SYNE2: variants seen among roughly 807,000 people sequenced by gnomAD.
SYNE2 encodes spectrin repeat containing nuclear envelope protein 2, also known as nesprin-2.
Under a neutral mutation model 856.3 loss-of-function variants are expected in SYNE2, and 431 were observed. The ratio of observed to expected loss-of-function variants is 0.50; its 90% CI spans 0.47 to 0.55. The LOEUF (loss-of-function observed/expected upper bound fraction) is 0.55. SYNE2 is among the 20% of genes least tolerant of loss of function. SYNE2 has a pLI of 0.00. For synonymous variants in SYNE2, 2,923 were observed against 2,872.3 expected (o/e 1.02, Z -0.56); for missense variants, 8,129 against 8,023.2 (o/e 1.01, Z -0.50).
chr14:64,130,711 C>T (rs965981481), intron 76 of SYNE2, among the ~76,000 whole-genome samples: 3 of 151,854 alleles, frequency 2.0e-5, no homozygotes, highest in Admixed American at 1.3e-4. Flanking sequence ...ATGGTGAAAC[C>T]CTGTCTCTAC....
At chr14:64,063,047 A>C (rs1595238507) in intron 50 of SYNE2, 152 bp downstream of exon 50, 5 of 985,556 alleles carry the variant, frequency 5.1e-6, no homozygotes, top group Non-Finnish European at 4.7e-6. Context: ...CGAAAGCCAG[A>C]GAGTAATGTT....
At chr14:64,153,001 C>T (rs1262568602) in intron 85 of SYNE2, among the ~76,000 whole-genome samples, 1 of 152,188 alleles carries the variant, frequency 6.6e-6, no homozygotes, top group Admixed American at 6.5e-5. Context: ...CTCCATACCC[C>T]AAACCCAACA....
chr14:63,827,395 C>CT (rs1224949431), intron 1 of SYNE2, among the ~76,000 whole-genome samples: 2 of 151,858 alleles, frequency 1.3e-5, no homozygotes, highest in African/African-American at 4.8e-5. Context: ...GAGACCGAGG[C>CT]AGGTGGATCA....
At chr14:63,976,415 C>G in intron 11 of SYNE2, 148 bp from the exon 12 acceptor site, 4 of 773,296 alleles carry the variant, frequency 5.2e-6, no homozygotes, top group Non-Finnish European at 8.3e-6. Flanking sequence ...GAAATTTACC[C>G]ATTGATGAAG....
chr14:63,930,290 A>G (rs1315864666), intron 2 of SYNE2, among the ~76,000 whole-genome samples: 1 of 151,888 alleles, frequency 6.6e-6, no homozygotes, highest in African/African-American at 2.4e-5. Flanking sequence ...TGTCTCAAAA[A>G]AAAAAAAAAA....
chr14:64,160,977 G>T (rs1463970551), intron 87 of SYNE2, among the ~76,000 whole-genome samples: 1 of 152,058 alleles, frequency 6.6e-6, no homozygotes, highest in African/African-American at 2.4e-5. Context: ...AAAACCCACA[G>T]ACCATTTGTA....
chr14:64,212,506 C>A (rs1157888800), intron 104 of SYNE2, among the ~76,000 whole-genome samples: 1 of 152,194 alleles, frequency 6.6e-6, no homozygotes, highest in Non-Finnish European at 1.5e-5. Flanking sequence ...ATGTTCTGTT[C>A]CCAACAAGTT....
rs796640995 is a variant in SYNE2 at position 64,090,291 on chromosome 14, C to G, written c.11794-575C>G. Among the ~76,000 whole-genome samples the G allele has an allele frequency of 9.9e-5, 15 of 152,264 alleles. 1 individual carries two copies. The highest frequency in any genetic ancestry group is 3.6e-4 in the African/African-American group (15 of 41,556). The stretch of plus-strand genomic sequence containing the variant: ...GAAATGGAGGTTAGGATACTTACCT[C>G]TCGAGGGGTTGTGAGGATTAAATGA... On this transcript the variant is annotated intron_variant, in intron 59 of 115. Coordinates refer to ENST00000555002, the MANE Select transcript of SYNE2 (RefSeq NM_182914.3).
chr14:63,987,827 A>G, intron 19 of SYNE2, among the ~76,000 whole-genome samples: 1 of 152,260 alleles, frequency 6.6e-6, no homozygotes. Flanking sequence ...TATTTCTATT[A>G]AGAAAGAATT....
At chr14:64,028,413 AC>A (rs2096999956) in intron 43 of SYNE2, among the ~76,000 whole-genome samples, 3 of 151,774 alleles carry the variant, frequency 2.0e-5, no homozygotes, top group Non-Finnish European at 2.9e-5. Context: ...GCGCCACTAC[AC>A]CCAGCTAATT....
intron 70 of SYNE2, 118 bp downstream of exon 70, chr14:64,122,545 T>C: frequency 1.5e-6 from 2 of 1,342,274 alleles, no homozygotes; most frequent in Non-Finnish European, 2.1e-6. Flanking sequence ...GTTTTTTACT[T>C]GGCTGATACA....
intron 61 of SYNE2, among the ~76,000 whole-genome samples, chr14:64,094,566 CAAAA>C (rs2097660606): frequency 1.3e-5 from 2 of 151,994 alleles, no homozygotes; most frequent in Non-Finnish European, 2.9e-5. Context: ...ATATGGTACT[CAAAA>C]GAAGATTACA....
chr14:64,156,751 A>T (rs572528810), intron 85 of SYNE2, among the ~76,000 whole-genome samples: 1 of 152,064 alleles, frequency 6.6e-6, no homozygotes, highest in African/African-American at 2.4e-5. Flanking sequence ...GAGCCACCAC[A>T]CCTGGCCGCC....
intron 67 of SYNE2, among the ~76,000 whole-genome samples, chr14:64,120,688 A>G (rs1048244249): frequency 6.6e-6 from 1 of 152,222 alleles, no homozygotes; most frequent in African/African-American, 2.4e-5. Flanking sequence ...CCTTGAACCC[A>G]AGAGGTGGAG....
chr14:63,974,892 G>GTGTATGTATATATATATATATATATA (rs1375697679), intron 11 of SYNE2, among the ~76,000 whole-genome samples: 1 of 67,322 alleles, frequency 1.5e-5, no homozygotes, highest in Non-Finnish European at 3.1e-5. Context: ...GTGTGTGTGT[G>GTGTATGTATATATATATATATATATA]TATATATATA....
At chr14:64,060,131 G>A (rs1462343090) in intron 49 of SYNE2, among the ~76,000 whole-genome samples, 1 of 151,726 alleles carries the variant, frequency 6.6e-6, no homozygotes, top group African/African-American at 2.4e-5. Flanking sequence ...AGCTCACTTA[G>A]TACTCTTCCC....
At chr14:63,828,512 G>T (rs1301156799) in intron 1 of SYNE2, among the ~76,000 whole-genome samples, 1 of 151,630 alleles carries the variant, frequency 6.6e-6, no homozygotes, top group African/African-American at 2.4e-5. Flanking sequence ...GGTGGCAGGT[G>T]CCTGTAATCC....
At chr14:63,872,587 C>T (rs779949069) in intron 1 of SYNE2, among the ~76,000 whole-genome samples, 2 of 151,890 alleles carry the variant, frequency 1.3e-5, no homozygotes, top group African/African-American at 2.4e-5. Flanking sequence ...GAAATCCCAT[C>T]TCTACTAAAA....
rs558622778 is a variant in SYNE2, at chr14:64,094,102, G to A, written c.12108+622G>A. Reference sequence around the variant, plus strand: ...AATCCCAGCACTTTGGGAGGCCGAGGCGGGCAGATCACAAGGTCAGGAGAT... The same window carrying A: ...AATCCCAGCACTTTGGGAGGCCGAGACGGGCAGATCACAAGGTCAGGAGAT... On this transcript the variant is annotated intron_variant, in intron 61 of 115. Coordinates refer to ENST00000555002, the MANE Select transcript of SYNE2 (RefSeq NM_182914.3). Among the ~76,000 whole-genome samples the A allele has an allele frequency of 8.3e-4, 127 of 152,270 alleles. 2 individuals are homozygous for A. In the South Asian group the frequency reaches 0.023, roughly 27 times the overall value.
Sources: gnomAD v4.1 joint callset for allele counts (sites outside exome capture counted in the v4.1 genomes callset) on GRCh38, gnomAD v4.1.1 for gene constraint, MANE v1.5 for transcripts, NCBI Gene and HGNC (gene_info 2026-07-23, HGNC 2026-07-21) for gene names.